Variants in TMPRSS11E observed in about 807,000 individuals in gnomAD.
TMPRSS11E encodes the protein transmembrane serine protease 11E.
In TMPRSS11E, 38 loss-of-function variants were observed where a neutral mutation model predicts 48.1. That is an observed-to-expected ratio of 0.79 (90% confidence interval 0.61 to 1.04). TMPRSS11E has a LOEUF of 1.04. Ranked by LOEUF, TMPRSS11E falls within the 50% of genes least tolerant of loss-of-function variation. TMPRSS11E has a pLI of 0.00. For missense variants in TMPRSS11E, 530 were observed against 510.8 expected (o/e 1.04, Z -0.36); for synonymous variants, 158 against 171.9 (o/e 0.92, Z 0.63).
chr4:68,453,698 A>G (rs1415870505), intron 1 of TMPRSS11E, among the ~76,000 whole-genome samples: 2 of 151,948 alleles, frequency 1.3e-5, no homozygotes, highest in Non-Finnish European at 2.9e-5. Context: ...GCATATTATA[A>G]TAGTATCGGA....
At chr4:68,463,522 C>T (rs945552519) in intron 2 of TMPRSS11E, among the ~76,000 whole-genome samples, 5 of 152,134 alleles carry the variant, frequency 3.3e-5, no homozygotes, top group African/African-American at 7.2e-5. Context: ...AGGCTGGTCT[C>T]GAACTTCTGA....
chr4:68,493,335 A>G (rs1020651995), intron 9 of TMPRSS11E, among the ~76,000 whole-genome samples: 4 of 152,210 alleles, frequency 2.6e-5, no homozygotes, highest in Admixed American at 6.5e-5. Context: ...AAATGTCCCC[A>G]TTCAAAAATA....
At chr4:68,463,202 A>C (rs141816585) in intron 2 of TMPRSS11E, among the ~76,000 whole-genome samples, 13,873 of 152,284 alleles carry the variant, frequency 0.091, 747 homozygotes, top group African/African-American at 0.13. Context: ...GGATAGTTTA[A>C]AAAAATATTT....
At chr4:68,475,185 T>C (rs1414395360) in intron 6 of TMPRSS11E, among the ~76,000 whole-genome samples, 2 of 152,056 alleles carry the variant, frequency 1.3e-5, no homozygotes, top group African/African-American at 2.4e-5. Context: ...AATACGAAAG[T>C]GCAGGAAATT....
intron 9 of TMPRSS11E, among the ~76,000 whole-genome samples, chr4:68,487,081 T>G (rs931837347): frequency 1.1e-4 from 17 of 152,206 alleles, no homozygotes; most frequent in Middle Eastern, 3.2e-3. Context: ...TCCAATGGGC[T>G]ACTCTGTCCC....
chr4:68,463,419 A>T (rs1004355496), intron 2 of TMPRSS11E, among the ~76,000 whole-genome samples: 12 of 152,036 alleles, frequency 7.9e-5, no homozygotes, highest in Non-Finnish European at 1.6e-4. Context: ...TTTGTGCCTC[A>T]GCCTCCTGAG....
At chr4:68,481,783 C>G (rs1335428820) in intron 9 of TMPRSS11E, among the ~76,000 whole-genome samples, 1 of 152,132 alleles carries the variant, frequency 6.6e-6, no homozygotes, top group Non-Finnish European at 1.5e-5. Context: ...AATCCTGTCT[C>G]TGCTAGAAAT....
At chr4:68,486,254 A>G (rs1365110783) in intron 9 of TMPRSS11E, among the ~76,000 whole-genome samples, 1 of 152,046 alleles carries the variant, frequency 6.6e-6, no homozygotes, top group Non-Finnish European at 1.5e-5. Flanking sequence ...TAAGATATTT[A>G]TATCTTTTCG....
chr4:68,462,284 A>G (rs1296973523), intron 2 of TMPRSS11E, among the ~76,000 whole-genome samples: 2 of 152,094 alleles, frequency 1.3e-5, no homozygotes, highest in Non-Finnish European at 2.9e-5. Context: ...ATCTTGATTT[A>G]AAATAATTCT....
At chr4:68,471,397 C>T (rs920056694) in intron 4 of TMPRSS11E, 63 bp from the exon 5 acceptor site, 1 of 375,410 alleles carries the variant, frequency 2.7e-6, no homozygotes, top group African/African-American at 2.2e-5. Flanking sequence ...TCCCTCCCTC[C>T]CTTCCTGCCT....
intron 9 of TMPRSS11E, among the ~76,000 whole-genome samples, chr4:68,483,103 A>G (rs1282206080): frequency 6.6e-6 from 1 of 152,190 alleles, no homozygotes; most frequent in Non-Finnish European, 1.5e-5. Context: ...TTATTAGAAA[A>G]GATGTTTAAT....
Position 68,461,926 on chromosome 4 carries a change from T to C in TMPRSS11E, c.117T>C (p.Thr39=). The C allele has an allele frequency of 6.2e-7, 1 of 1,614,188 alleles. No individual in the cohort carries two copies. Among genetic ancestry groups the C allele is most frequent in the Non-Finnish European group, 8.5e-7 (1 of 1,179,998 alleles). ...LIVLAVCIGL[T]VHYVRYNQKK... is the part of the protein sequence containing the mutation. ...TCCTGGCAGTGTGCATTGGACTCAC[T>C]GTTCATTATGTGAGATATAGTAAGT... Residue 39 remains threonine, a synonymous_variant, in exon 2 of 10, where the codon ACT becomes ACC. Transcript: ENST00000305363.
chr4:68,469,215 T>C (rs1463527889), intron 4 of TMPRSS11E, among the ~76,000 whole-genome samples: 2 of 152,088 alleles, frequency 1.3e-5, no homozygotes, highest in Non-Finnish European at 2.9e-5. Context: ...CAGATAGTAC[T>C]AAATACAGAT....
chr4:68,494,052 T>C (rs531824580), intron 9 of TMPRSS11E, among the ~76,000 whole-genome samples: 110 of 151,714 alleles, frequency 7.3e-4, no homozygotes, highest in African/African-American at 2.5e-3. Flanking sequence ...TGATTAATCT[T>C]TCTCTCTCTC....
chr4:68,491,826 T>C (rs925805936), intron 9 of TMPRSS11E, among the ~76,000 whole-genome samples: 2 of 151,908 alleles, frequency 1.3e-5, no homozygotes, highest in Non-Finnish European at 2.9e-5. Flanking sequence ...TAAGATTTTT[T>C]TTTACAATTT....
At chr4:68,492,146 C>T (rs564321410) in intron 9 of TMPRSS11E, among the ~76,000 whole-genome samples, 1 of 152,290 alleles carries the variant, frequency 6.6e-6, no homozygotes, top group African/African-American at 2.4e-5. Context: ...CTAAAAATTC[C>T]TTCCTAACAA....
chr4:68,454,012 T>C (rs986727930), intron 1 of TMPRSS11E, among the ~76,000 whole-genome samples: 1 of 151,942 alleles, frequency 6.6e-6, no homozygotes, highest in Non-Finnish European at 1.5e-5. Flanking sequence ...AGTATTCATA[T>C]GCTGACTCTT....
chr4:68,482,189 A>G (rs1467178237), intron 9 of TMPRSS11E, among the ~76,000 whole-genome samples: 1 of 134,012 alleles, frequency 7.5e-6, no homozygotes, highest in Non-Finnish European at 1.6e-5. Flanking sequence ...ACACTTTTAA[A>G]CAATCCGATC....
At chr4:68,478,327 A>G (rs1489046802) in intron 8 of TMPRSS11E, among the ~76,000 whole-genome samples, 3 of 151,152 alleles carry the variant, frequency 2.0e-5, no homozygotes, top group Admixed American at 2.0e-4. Flanking sequence ...CATTTTTAGT[A>G]GAGACAGGGT....
Sources: gnomAD v4.1 joint callset for allele counts (sites outside exome capture counted in the v4.1 genomes callset) on GRCh38, gnomAD v4.1.1 for gene constraint, MANE v1.5 for transcripts, NCBI Gene and HGNC (gene_info 2026-07-23, HGNC 2026-07-21) for gene names.